The following ALPK3 variants were observed in gnomAD, a reference collection of about 807,000 sequenced individuals.
ALPK3 encodes the protein alpha-protein kinase 3.
Under a neutral mutation model 140.0 loss-of-function variants are expected in ALPK3, and 102 were observed. That is an observed-to-expected ratio of 0.73 (90% CI 0.62 to 0.86). The LOEUF (loss-of-function observed/expected upper bound fraction) is 0.86, where lower values mean the gene tolerates loss of function less well. ALPK3 is among the 40% of genes least tolerant of loss of function. ALPK3 has a pLI of 0.00. For synonymous variants in ALPK3, 938 were observed against 898.5 expected (o/e 1.04, Z -0.79); for missense variants, 2,254 against 2,208.2 (o/e 1.02, Z -0.42).
chr15:84,840,899 G>A lies in ALPK3; in HGVS notation c.1620G>A (p.Leu540=). ...GACATGGCACCCGGGACAGCACGTT[G>A]CAGGGGCAAGCAGGCCACAGGACTC... ...RRRHGTRDST[L]QGQAGHRTPG... The change falls in exon 5 of 14, where the codon TTG becomes TTA. Residue 540 remains leucine (L), a synonymous_variant. Transcript: ENST00000258888. 1 of 1,608,462 alleles carries A rather than the reference G, an allele frequency of 6.2e-7. No homozygotes were observed. The highest frequency in any genetic ancestry group is 8.5e-7 in the Non-Finnish European group (1 of 1,177,488).
In ALPK3 at chr15:84,862,635, T is replaced by C; in HGVS notation, c.4130T>C (p.Val1377Ala). The change falls in exon 10 of 14, where the codon GTT (valine) becomes GCT (alanine). Residue 1377 changes from valine (V) to alanine (A), a missense_variant and splice_region_variant. By Grantham distance (64) the Val-to-Ala change is moderately conservative. This residue lies in a region of ALPK3 where 2,088 missense variants were observed against 2,022.9 expected (regional missense o/e 1.03). Coordinates refer to ENST00000258888, the MANE Select transcript of ALPK3 (RefSeq NM_020778.5). ...CCACATTTCTCCTGTTCCCCTTCAG[T>C]TGGAGAAGAGATTGAGATGACCCCT... ...SGFISREEGE[V>A]GEEIEMTPMV... 6.2e-7 allele frequency: 1 copy of C among 1,603,158 alleles called. No individual in the cohort carries two copies.
intron 1 of ALPK3, 62 bp downstream of exon 1, chr15:84,817,657 G>A: frequency 7.0e-7 from 1 of 1,423,580 alleles, no homozygotes; most frequent in South Asian, 1.4e-5. Flanking sequence ...CAGTCCCTGT[G>A]AGGGCGGCCT....
At position 84,869,610 on chromosome 15, in the gene ALPK3, T is replaced by G. The variant is rs1964045780; in HGVS notation, c.*1154T>G. 1 of 152,464 alleles carries G rather than the reference T, an allele frequency of 6.6e-6. No individual in the cohort carries two copies. Among genetic ancestry groups the G allele is most frequent in the African/African-American group, 2.4e-5 (1 of 41,448 alleles). 9.4% of individuals were successfully genotyped at this position (152,464 alleles called of 1,614,324 possible). Reference sequence around the variant, plus strand: ...GCTCTTGATCCTGGGGCCCCAGCTCTGGGTCCTCATGTATGGGCTCCCAAG... The same window carrying G: ...GCTCTTGATCCTGGGGCCCCAGCTCGGGGTCCTCATGTATGGGCTCCCAAG... On this transcript the variant is annotated 3_prime_UTR_variant, in exon 14 of 14. Transcript: ENST00000258888.
rs896316836 is a variant in ALPK3 at position 84,868,857 on chromosome 15, G to A, written c.*401G>A. 5 of 208,558 alleles carry A rather than the reference G, an allele frequency of 2.4e-5. No homozygotes were observed. In the Admixed American group the frequency reaches 2.6e-4, roughly 11 times the overall value. The allele number at this position is 208,558 out of a possible 1,614,324, so 12.9% of individuals were successfully genotyped here. ...GTTACAATCTGAGTGAGGACATGCA[G>A]GCCAACTTTTACCCTCCTGCATTTG... On this transcript the variant is annotated 3_prime_UTR_variant, in exon 14 of 14. Coordinates refer to ENST00000258888, the MANE Select transcript of ALPK3 (RefSeq NM_020778.5).
intron 13 of ALPK3, among the ~76,000 whole-genome samples, chr15:84,867,904 A>G (rs969243250): frequency 3.3e-5 from 5 of 151,202 alleles, no homozygotes; most frequent in African/African-American, 1.2e-4. Flanking sequence ...AAGTAGAGAG[A>G]CTCTGTCTCT....
intron 3 of ALPK3, among the ~76,000 whole-genome samples, chr15:84,830,095 C>A (rs1963529914): frequency 6.6e-6 from 1 of 152,196 alleles, no homozygotes; most frequent in South Asian, 2.1e-4. Context: ...GAGGTTAGTA[C>A]TTTCCATAGT....
At chr15:84,827,848 C>G (rs1963506820) in intron 3 of ALPK3, among the ~76,000 whole-genome samples, 1 of 152,228 alleles carries the variant, frequency 6.6e-6, no homozygotes, top group African/African-American at 2.4e-5. Context: ...AGTGAAGGTT[C>G]CTGACCCTCA....
intron 5 of ALPK3, among the ~76,000 whole-genome samples, chr15:84,855,895 A>C (rs566844767): frequency 6.6e-6 from 1 of 152,298 alleles, no homozygotes; most frequent in South Asian, 2.1e-4. Flanking sequence ...ATCCATTATT[A>C]TCACTCACTC....
chr15:84,827,365 G>A, intron 2 of ALPK3, 119 bp from the exon 3 acceptor site: 25 of 1,434,592 alleles, frequency 1.7e-5, no homozygotes, highest in Non-Finnish European at 2.4e-5. Flanking sequence ...CCGGGGTGCT[G>A]CAGCTCTGGC....
intron 7 of ALPK3, 103 bp from the exon 8 acceptor site, chr15:84,859,673 A>G: frequency 1.4e-6 from 2 of 1,449,208 alleles, no homozygotes. Context: ...AAGCTCTCAG[A>G]GCTGGGGTTC....
Position 84,856,488 on chromosome 15 carries a change from A to T in ALPK3, c.1750A>T (p.Ile584Phe). 1.2e-6 allele frequency: 2 copies of T among 1,614,186 alleles called. No individual in the cohort carries two copies. The highest frequency in any genetic ancestry group is 1.7e-6 in the Non-Finnish European group (2 of 1,180,026). Residue 584 changes from isoleucine to phenylalanine, a missense_variant, in exon 6 of 14, where the codon ATC becomes TTC. Coordinates refer to ENST00000258888, the MANE Select transcript of ALPK3 (RefSeq NM_020778.5). ...GGTTAGCACTTCCGGAAGTCAAGGTATCATTGAACCCATGGATATGGAAAC... is the reference window on the plus strand; with the variant it reads ...GGTTAGCACTTCCGGAAGTCAAGGTTTCATTGAACCCATGGATATGGAAAC... Reference protein sequence around the residue: ...IGVSTSGSQGIIEPMDMETQE... With the variant: ...IGVSTSGSQGFIEPMDMETQE...
chr15:84,847,401 A>T (rs1381611625), intron 5 of ALPK3, among the ~76,000 whole-genome samples: 1 of 152,200 alleles, frequency 6.6e-6, no homozygotes, highest in Non-Finnish European at 1.5e-5. Context: ...AAACTTTCAA[A>T]ATTTGGCAAA....
At position 84,857,567 on chromosome 15, in the gene ALPK3, G is replaced by T. The variant is rs769309717; in HGVS notation, c.2829G>T (p.Glu943Asp). The change falls in exon 6 of 14, where the codon GAG becomes GAT. Residue 943 changes from glutamate to aspartate, a missense_variant. Transcript: ENST00000258888. ...CCTGCGCCCAGGTACCAGATGTGGAGGGGCGGACCCCAGGTCCCCGGAGCT... is the reference window on the plus strand; with the variant it reads ...CCTGCGCCCAGGTACCAGATGTGGATGGGCGGACCCCAGGTCCCCGGAGCT... ...EGACAQVPDVEGRTPGPRSCD... is the reference protein window; with the variant it reads ...EGACAQVPDVDGRTPGPRSCD... 3.8e-6 allele frequency: 6 copies of T among 1,576,856 alleles called. No individual in the cohort carries two copies. In the East Asian group the frequency reaches 1.1e-4, roughly 30 times the overall value.
rs770636206 is a variant in ALPK3, at chr15:84,857,130, C to T, written c.2392C>T (p.Leu798Phe). Reference sequence around the variant, plus strand: ...TGTGCTGGGTCCCCTGTCAGGGAACCTCATGCTCCCAGCACAGCCGCCCCA... The same window carrying T: ...TGTGCTGGGTCCCCTGTCAGGGAACTTCATGCTCCCAGCACAGCCGCCCCA... ...QTVLGPLSGN[L>F]MLPAQPPHEG... is the part of the protein sequence containing the mutation. The change falls in exon 6 of 14, where the codon CTC becomes TTC. Residue 798 changes from leucine (L) to phenylalanine (F), a missense_variant. This residue lies in a region of ALPK3 where 2,088 missense variants were observed against 2,022.9 expected (regional missense o/e 1.03). Coordinates refer to ENST00000258888, the MANE Select transcript of ALPK3 (RefSeq NM_020778.5). 2 of 1,614,014 alleles carry T rather than the reference C, an allele frequency of 1.2e-6. No individual in the cohort carries two copies. Among genetic ancestry groups the T allele is most frequent in the East Asian group, 2.2e-5 (1 of 44,884 alleles).
intron 5 of ALPK3, among the ~76,000 whole-genome samples, chr15:84,846,666 A>G (rs1963734609): frequency 6.6e-6 from 1 of 152,204 alleles, no homozygotes; most frequent in Admixed American, 6.5e-5. Context: ...AGCCTGGACA[A>G]AGGGAGACCC....
Position 84,858,046 on chromosome 15 carries a change from T to A in ALPK3, c.3308T>A (p.Leu1103Gln), listed in dbSNP as rs1963888893. Residue 1103 changes from leucine (L) to glutamine (Q), a missense_variant, in exon 6 of 14, where the codon CTG (leucine) becomes CAG (glutamine). This residue lies in a region of ALPK3 where 2,088 missense variants were observed against 2,022.9 expected (regional missense o/e 1.03). Coordinates refer to ENST00000258888, the MANE Select transcript of ALPK3 (RefSeq NM_020778.5). ...GEVSPEGPGL[L>Q]GASQESSMAG... ...GTTTCCCCTGAGGGGCCTGGCCTCC[T>A]GGGGGCCTCTCAGGAGAGCAGCATG... is the stretch of plus-strand genomic sequence containing the variant. 1 of 1,570,224 alleles carries A rather than the reference T, an allele frequency of 6.4e-7. No individual in the cohort carries two copies.
At chr15:84,856,312 G>A (rs544405420) in intron 5 of ALPK3, 80 bp from the exon 6 acceptor site, 47 of 1,524,616 alleles carry the variant, frequency 3.1e-5, no homozygotes, top group Middle Eastern at 4.9e-4. Context: ...GATGAGGTCC[G>A]AGGAGACTGG....
intron 5 of ALPK3, among the ~76,000 whole-genome samples, chr15:84,852,816 G>A (rs541279959): frequency 6.6e-6 from 1 of 152,336 alleles, no homozygotes; most frequent in East Asian, 1.9e-4. Flanking sequence ...GGTTTTTTAA[G>A]AGGGGAGTGT....
rs1156754713 is a variant in ALPK3, at chr15:84,858,453, G to T, written c.3715G>T (p.Gly1239Cys). Residue 1239 changes from glycine to cysteine, a missense_variant, in exon 6 of 14, where the codon GGC (glycine) becomes TGC (cysteine). By Grantham distance (159) the Gly-to-Cys change is radical (BLOSUM62 -3). Coordinates refer to ENST00000258888, the MANE Select transcript of ALPK3 (RefSeq NM_020778.5). ...AEEELAAGDL[G>C]PSPKAGGLDT... The stretch of plus-strand genomic sequence containing the variant: ...GGAGGAGCTGGCGGCAGGAGACCTG[G>T]GCCCCAGCCCCAAGGCCGGCGGTCT... 5 of 1,568,134 alleles carry T rather than the reference G, an allele frequency of 3.2e-6. No individual in the cohort carries two copies. In the South Asian group the frequency reaches 4.7e-5, roughly 15 times the overall value.
Sources: allele counts gnomAD v4.1 joint callset (sites outside exome capture counted in the v4.1 genomes callset), GRCh38; gene constraint gnomAD v4.1.1; regional missense constraint gnomAD v4.1.1; transcripts MANE v1.5; gene names NCBI Gene and HGNC (gene_info 2026-07-23, HGNC 2026-07-21).